CPVL: variants seen among roughly 807,000 people sequenced by gnomAD.
The protein encoded by CPVL is carboxypeptidase vitellogenic like.
Under a neutral mutation model 63.7 loss-of-function variants are expected in CPVL, and 51 were observed. The ratio of observed to expected loss-of-function variants is 0.80; its 90% CI spans 0.64 to 1.01. The LOEUF (loss-of-function observed/expected upper bound fraction) is 1.01, where lower values mean the gene tolerates loss of function less well. CPVL is among the 50% of genes least tolerant of loss of function. CPVL has a pLI of 0.00. For synonymous variants in CPVL, 195 were observed against 206.0 expected (o/e 0.95, Z 0.46); for missense variants, 530 against 573.1 (o/e 0.92, Z 0.77).
At chr7:29,055,158 A>G (rs1167846362) in intron 11 of CPVL, among the ~76,000 whole-genome samples, 6 of 151,948 alleles carry the variant, frequency 3.9e-5, no homozygotes, top group Admixed American at 3.9e-4. Flanking sequence ...GTGTTAGGTG[A>G]CTTTTGATTA....
At chr7:29,158,918 C>A (rs1280890498) in intron 5 of CPVL, among the ~76,000 whole-genome samples, 1 of 152,178 alleles carries the variant, frequency 6.6e-6, no homozygotes, top group East Asian at 1.9e-4. Context: ...GTAAAAATTG[C>A]TAGAGGAATG....
At chr7:29,169,775 A>G (rs991470753) in intron 5 of CPVL, among the ~76,000 whole-genome samples, 2 of 152,004 alleles carry the variant, frequency 1.3e-5, no homozygotes, top group Non-Finnish European at 2.9e-5. Flanking sequence ...TGGTGTGCCT[A>G]TAGACCTTCA....
chr7:29,010,619 C>G (rs1785723970), intron 12 of CPVL: 1 of 152,118 alleles, frequency 6.6e-6, no homozygotes, highest in South Asian at 2.1e-4. Context: ...AGTTTCAGGC[C>G]TATCTGACAG....
intron 3 of CPVL, among the ~76,000 whole-genome samples, chr7:29,098,364 C>T (rs1252986163): frequency 2.0e-5 from 3 of 152,114 alleles, no homozygotes; most frequent in Non-Finnish European, 2.9e-5. Flanking sequence ...GGAAAGGGGC[C>T]CAGGGGGACC....
intron 1 of CPVL, chr7:29,122,343 G>A (rs62444093): frequency 0.094 from 14,246 of 152,228 alleles, 879 homozygotes; most frequent in Non-Finnish European, 0.14. Context: ...CAAAGGAAGC[G>A]TTGGGGTAAG....
At chr7:29,053,889 CAA>C (rs1036543437) in intron 11 of CPVL, among the ~76,000 whole-genome samples, 32 of 60,618 alleles carry the variant, frequency 5.3e-4, no homozygotes, top group Non-Finnish European at 5.9e-4. Flanking sequence ...TCTGTTTGTA[CAA>C]AAAAAAAAAA....
intron 1 of CPVL, chr7:29,194,893 G>A (rs1412867769): frequency 1.4e-6 from 2 of 1,425,416 alleles, no homozygotes; most frequent in Middle Eastern, 2.1e-4. Context: ...CAGCGGCGGC[G>A]GCGTCCGCAC....
chr7:29,078,574 G>A (rs1239514413), intron 7 of CPVL, among the ~76,000 whole-genome samples: 1 of 152,234 alleles, frequency 6.6e-6, no homozygotes, highest in African/African-American at 2.4e-5. Flanking sequence ...GAAGGATGAA[G>A]CTGCATAATG....
At chr7:29,076,926 G>A (rs1286942977) in intron 7 of CPVL, among the ~76,000 whole-genome samples, 2 of 152,200 alleles carry the variant, frequency 1.3e-5, no homozygotes, top group African/African-American at 4.8e-5. Context: ...GAAATCCCGT[G>A]AGGAGCACAT....
intron 6 of CPVL, among the ~76,000 whole-genome samples, chr7:29,091,499 G>A (rs1328932369): frequency 6.6e-6 from 1 of 152,142 alleles, no homozygotes; most frequent in Non-Finnish European, 1.5e-5. Context: ...CCTGTGAGGA[G>A]GACTGCCGTC....
At chr7:29,052,272 A>G (rs1286851163) in intron 11 of CPVL, among the ~76,000 whole-genome samples, 1 of 151,778 alleles carries the variant, frequency 6.6e-6, no homozygotes, top group Admixed American at 6.6e-5. Context: ...TACTAACTGT[A>G]CCCCAATAAC....
At chr7:29,192,441 G>A (rs1365217492) in intron 1 of CPVL, 4 of 152,192 alleles carry the variant, frequency 2.6e-5, no homozygotes, top group African/African-American at 9.7e-5. Flanking sequence ...TTTCAGAGAT[G>A]AATAATGAAA....
At chr7:29,058,183 T>G (rs1445648112) in intron 11 of CPVL, among the ~76,000 whole-genome samples, 5 of 152,188 alleles carry the variant, frequency 3.3e-5, no homozygotes, top group African/African-American at 1.2e-4. Context: ...TATTAGTTGT[T>G]CTTGATGTCT....
At chr7:29,003,841 AC>A (rs1327101267) in intron 12 of CPVL, among the ~76,000 whole-genome samples, 1 of 152,134 alleles carries the variant, frequency 6.6e-6, no homozygotes, top group Non-Finnish European at 1.5e-5. Context: ...TAGATCCCTC[AC>A]ATGCGCAGTT....
chr7:29,058,777 TC>T (rs1317476637), intron 11 of CPVL, among the ~76,000 whole-genome samples: 1 of 152,134 alleles, frequency 6.6e-6, no homozygotes, highest in Non-Finnish European at 1.5e-5. Flanking sequence ...TACCTTTGCT[TC>T]TCTATAGGTA....
chr7:29,064,673 C>A (rs1020446680), intron 10 of CPVL, among the ~76,000 whole-genome samples: 7 of 152,074 alleles, frequency 4.6e-5, no homozygotes, highest in Non-Finnish European at 1.0e-4. Context: ...CTAAGAATTT[C>A]TTTTCTGTGT....
intron 6 of CPVL, among the ~76,000 whole-genome samples, chr7:29,088,615 G>T (rs1279837052): frequency 6.6e-6 from 1 of 152,156 alleles, no homozygotes; most frequent in Non-Finnish European, 1.5e-5. Flanking sequence ...ATTACATGGT[G>T]AGCATTTTCT....
intron 11 of CPVL, among the ~76,000 whole-genome samples, chr7:29,038,855 T>C (rs1440200410): frequency 6.6e-6 from 1 of 152,202 alleles, no homozygotes; most frequent in African/African-American, 2.4e-5. Flanking sequence ...AAGTGGCCTT[T>C]TGTCTGAGTT....
intron 11 of CPVL, among the ~76,000 whole-genome samples, chr7:29,061,472 G>C (rs776347379): frequency 3.3e-5 from 5 of 152,258 alleles, no homozygotes; most frequent in Non-Finnish European, 7.4e-5. Flanking sequence ...ATTCATAGTG[G>C]TAAGTTTAGG....
Sources: gnomAD v4.1 joint callset for allele counts (sites outside exome capture counted in the v4.1 genomes callset) on GRCh38, gnomAD v4.1.1 for gene constraint, MANE v1.5 for transcripts, NCBI Gene and HGNC (gene_info 2026-07-23, HGNC 2026-07-21) for gene names.